Variants in ADGRF4 observed in about 807,000 individuals in gnomAD.
ADGRF4 encodes the protein G-protein coupled receptor PGR18.
In ADGRF4, 63 loss-of-function variants were observed where a neutral mutation model predicts 58.5. The observed-to-expected ratio is 1.08, with a 90% CI of 0.88 to 1.33. ADGRF4 has a LOEUF of 1.33. Ranked by LOEUF, ADGRF4 falls within the 40% of genes most tolerant of loss-of-function variation. ADGRF4 has a pLI of 0.00. For missense variants in ADGRF4, 931 were observed against 843.9 expected (o/e 1.10, Z -1.28); for synonymous variants, 313 against 295.4 (o/e 1.06, Z -0.61).
chr6:47,707,189 T>C lies in ADGRF4; in HGVS notation c.-16-41T>C. On this transcript the variant is annotated intron_variant, in intron 1 of 9. Transcript: ENST00000283303. ...GATAAGTATTGTTAGTTGCGTGAAG[T>C]TGTCACCTTCAGGTGGGTATGCCTT... The C allele has an allele frequency of 4.7e-6, 5 of 1,061,550 alleles. No individual in the cohort carries two copies. In the South Asian group the frequency reaches 6.3e-5, roughly 13 times the overall value. 65.8% of individuals were successfully genotyped at this position (1,061,550 alleles called of 1,614,324 possible). A position where few individuals can be genotyped will look rare whatever the true frequency, so the allele number is the denominator to read the frequency against.
chr6:47,718,191 T>A (rs1394245553), intron 8 of ADGRF4, among the ~76,000 whole-genome samples, 198 bp from the exon 9 acceptor site: 1 of 152,232 alleles, frequency 6.6e-6, no homozygotes, highest in Non-Finnish European at 1.5e-5. Flanking sequence ...TTTCTTTTTA[T>A]TTTTTAGCAG....
In ADGRF4 at chr6:47,715,012, T is replaced by G. The variant is rs989935416; in HGVS notation, c.1767T>G (p.Ile589Met). 6.2e-6 allele frequency: 10 copies of G among 1,613,314 alleles called. No homozygotes were observed. Among genetic ancestry groups the G allele is most frequent in the Admixed American group, 1.7e-5 (1 of 59,998 alleles). ...CTGTCAACACTCAGAGGCCCTCTATTGGCAGTTCCAAGTCTCAGGATGTGG... is the reference window on the plus strand; with the variant it reads ...CTGTCAACACTCAGAGGCCCTCTATGGGCAGTTCCAAGTCTCAGGATGTGG... Reference protein sequence around the residue: ...VVAVNTQRPSIGSSKSQDVVI... With the variant: ...VVAVNTQRPSMGSSKSQDVVI... Residue 589 changes from isoleucine (I) to methionine (M), a missense_variant, in exon 6 of 10, where the codon ATT (isoleucine) becomes ATG (methionine). Physicochemically the swap from Ile to Met is conservative, Grantham distance 10. Coordinates refer to ENST00000283303, the MANE Select transcript of ADGRF4 (RefSeq NM_153838.5).
chr6:47,715,157 G>C lies in ADGRF4; in HGVS notation c.1912G>C (p.Ala638Pro). Residue 638 changes from alanine to proline, a missense_variant, in exon 6 of 10, where the codon GCC (alanine) becomes CCC (proline). Coordinates refer to ENST00000283303, the MANE Select transcript of ADGRF4 (RefSeq NM_153838.5). ...TTCCTTGACGTTCCATATAATTTTT[G>C]CCTTGCTCAATGCTTTCCAGGTAAG... is the stretch of plus-strand genomic sequence containing the variant. ...GTSLTFHIIF[A>P]LLNAFQGFFI... 6.3e-7 allele frequency: 1 copy of C among 1,587,842 alleles called. No individual in the cohort carries two copies. Among genetic ancestry groups the C allele is most frequent in the Non-Finnish European group, 8.6e-7 (1 of 1,159,592 alleles).
chr6:47,700,777 A>T (rs1771572075), intron 1 of ADGRF4, among the ~76,000 whole-genome samples: 1 of 152,204 alleles, frequency 6.6e-6, no homozygotes, highest in Non-Finnish European at 1.5e-5. Context: ...TGAGATAGAA[A>T]AGTTGCCTCA....
At position 47,713,874 on chromosome 6, in the gene ADGRF4, C is replaced by T. The variant is rs1771931954; in HGVS notation, c.629C>T (p.Ala210Val). ...TGGGCTTTCATTCCCAACAAAAATGCCAGCTCGGATTTGTTGCAGTCAGTG... is the reference window on the plus strand; with the variant it reads ...TGGGCTTTCATTCCCAACAAAAATGTCAGCTCGGATTTGTTGCAGTCAGTG... ...SNWAFIPNKN[A>V]SSDLLQSVNL... Residue 210 changes from alanine (A) to valine (V), a missense_variant, in exon 6 of 10, where the codon GCC becomes GTC. Physicochemically the swap from Ala to Val is moderately conservative, Grantham distance 64. Coordinates refer to ENST00000283303, the MANE Select transcript of ADGRF4 (RefSeq NM_153838.5). 3 of 1,602,766 alleles carry T rather than the reference C, an allele frequency of 1.9e-6. No homozygotes were observed. The highest frequency in any genetic ancestry group is 2.2e-5 in the East Asian group (1 of 44,788).
intron 1 of ADGRF4, among the ~76,000 whole-genome samples, chr6:47,706,673 C>T (rs928592551): frequency 1.3e-5 from 2 of 152,214 alleles, no homozygotes; most frequent in African/African-American, 4.8e-5. Flanking sequence ...GTCAATAGCA[C>T]CGTCACAGAG....
rs570119676 is a variant in ADGRF4 at position 47,715,949 on chromosome 6, G to A, written c.1932+772G>A. ...GCACATTTATTATACTCTTTCTGTT[G>A]CATTGCTTTACAGTGAAATCTTTGA... On this transcript the variant is annotated intron_variant, in intron 6 of 9. Transcript: ENST00000283303. Among the ~76,000 whole-genome samples the A allele has an allele frequency of 4.0e-4, 60 of 150,646 alleles. No homozygotes were observed. The South Asian group carries it at 0.012, about 30-fold the overall frequency.
intron 1 of ADGRF4, among the ~76,000 whole-genome samples, chr6:47,699,184 G>A (rs1198987094): frequency 6.6e-6 from 1 of 152,136 alleles, no homozygotes; most frequent in East Asian, 1.9e-4. Context: ...TCTTCTTTTA[G>A]TGAGCCTGAA....
intron 4 of ADGRF4, among the ~76,000 whole-genome samples, chr6:47,711,355 C>T (rs191494524): frequency 2.9e-4 from 44 of 152,224 alleles, no homozygotes; most frequent in Admixed American, 2.0e-4. Flanking sequence ...CTCCACCTCT[C>T]GGGTTCAAGC....
At chr6:47,708,183 T>C (rs747897402) in intron 2 of ADGRF4, 41 bp from the exon 3 acceptor site, 2 of 1,489,472 alleles carry the variant, frequency 1.3e-6, no homozygotes, top group Admixed American at 3.3e-5. Context: ...GGGAGCAGAG[T>C]CCCACAGTAA....
intron 1 of ADGRF4, among the ~76,000 whole-genome samples, chr6:47,706,001 T>C (rs923880718): frequency 6.6e-6 from 1 of 152,188 alleles, no homozygotes; most frequent in African/African-American, 2.4e-5. Context: ...AAATGTTGGT[T>C]GATAGAATGA....
chr6:47,700,585 C>T (rs2037623994), intron 1 of ADGRF4, among the ~76,000 whole-genome samples: 1 of 152,212 alleles, frequency 6.6e-6, no homozygotes, highest in South Asian at 2.1e-4. Context: ...ATTGTTATGA[C>T]ACCCTCTTGT....
Position 47,717,614 on chromosome 6 carries a change from C to G in ADGRF4, c.2034+263C>G, listed in dbSNP as rs144152755. ...ACCCATCAAGATGGGACCACATGAA[C>G]TCAGGATCACAGATTGGTAAAATGT... On this transcript the variant is annotated intron_variant, in intron 8 of 9. Transcript: ENST00000283303. Among the ~76,000 whole-genome samples, 102 of 152,324 alleles carry G rather than the reference C, an allele frequency of 6.7e-4. 1 individual carries two copies. In the South Asian group the frequency reaches 0.014, roughly 21 times the overall value.
intron 7 of ADGRF4, 103 bp downstream of exon 7, chr6:47,716,950 G>A: frequency 1.3e-6 from 1 of 787,104 alleles, no homozygotes; most frequent in Non-Finnish European, 2.2e-6. Flanking sequence ...GGGGAGTTGA[G>A]TTTGTGAGGA....
chr6:47,707,416 G>A, intron 2 of ADGRF4, 78 bp downstream of exon 2: 1 of 837,594 alleles, frequency 1.2e-6, no homozygotes, highest in East Asian at 2.4e-5. Context: ...TGATAAATAA[G>A]ATGTCATTTT....
At chr6:47,701,322 A>C (rs1771583709) in intron 1 of ADGRF4, among the ~76,000 whole-genome samples, 1 of 152,220 alleles carries the variant, frequency 6.6e-6, no homozygotes, top group African/African-American at 2.4e-5. Flanking sequence ...TTTTATAATC[A>C]TGCACAGAAA....
intron 1 of ADGRF4, among the ~76,000 whole-genome samples, chr6:47,704,491 C>A (rs1771660546): frequency 6.6e-6 from 1 of 152,158 alleles, no homozygotes. Flanking sequence ...CCTTGACACA[C>A]ACACCCTGTG....
rs1771841332 is a variant in ADGRF4, at chr6:47,710,764, T to C, written c.178T>C (p.Ser60Pro). ...ATGCGAAGGACCTTGTATTTCTTCT[T>C]CCAACTGCAGCCAGCCCTGTGCTAA... ...EKCEGPCISS[S>P]NCSQPCAKDF... The change falls in exon 4 of 10, where the codon TCC (serine) becomes CCC (proline). Residue 60 changes from serine (S) to proline (P), a missense_variant. Ser to Pro is a moderately conservative substitution (Grantham distance 74). Coordinates refer to ENST00000283303, the MANE Select transcript of ADGRF4 (RefSeq NM_153838.5). 1 of 1,608,270 alleles carries C rather than the reference T, an allele frequency of 6.2e-7. No homozygotes were observed. The highest frequency in any genetic ancestry group is 1.1e-5 in the South Asian group (1 of 89,910).
In ADGRF4 at chr6:47,717,309, G is replaced by A; in HGVS notation, c.1992G>A (p.Arg664=). Residue 664 remains arginine (R), a synonymous_variant, in exon 8 of 10, where the codon AGG becomes AGA. Transcript: ENST00000283303. ...TTCTTTAGATAAGAGATGCTTTGAG[G>A]ATGAGGATGTCTTCACTGAAGGGGA... ...IMDHKIRDAL[R]MRMSSLKGKS... 1 of 1,611,342 alleles carries A rather than the reference G, an allele frequency of 6.2e-7. No individual in the cohort carries two copies. The highest frequency in any genetic ancestry group is 1.3e-5 in the African/African-American group (1 of 74,960).
Sources: gnomAD v4.1 joint callset for allele counts (sites outside exome capture counted in the v4.1 genomes callset) on GRCh38, gnomAD v4.1.1 for gene constraint, MANE v1.5 for transcripts, NCBI Gene and HGNC (gene_info 2026-07-23, HGNC 2026-07-21) for gene names.